The following MTA3 variants were observed in gnomAD, a reference collection of about 807,000 sequenced individuals.
MTA3 encodes metastasis associated 1 family member 3.
In MTA3, 34 loss-of-function variants were observed where a neutral mutation model predicts 83.5. That is an observed-to-expected ratio of 0.41 (90% CI 0.31 to 0.54). The LOEUF is 0.54. MTA3 is among the 20% of genes least tolerant of loss of function. The pLI, the probability that MTA3 is intolerant of heterozygous loss-of-function variation, is 0.33. For missense variants in MTA3, 761 were observed against 726.4 expected (o/e 1.05, Z -0.55); for synonymous variants, 303 against 252.7 (o/e 1.20, Z -1.89).
chr2:42,601,616 A>T (rs370638394), intron 3 of MTA3, among the ~76,000 whole-genome samples: 6 of 152,270 alleles, frequency 3.9e-5, no homozygotes, highest in Admixed American at 2.6e-4. Flanking sequence ...TTGAACTTCC[A>T]GGCTCAAGGG....
intron 16 of MTA3, among the ~76,000 whole-genome samples, chr2:42,749,219 G>A (rs1195858043): frequency 1.3e-5 from 2 of 152,152 alleles, no homozygotes; most frequent in African/African-American, 4.8e-5. Context: ...TCAGTTTCCA[G>A]CTGCATTGGC....
At chr2:42,678,338 T>G (rs1250692356) in intron 8 of MTA3, among the ~76,000 whole-genome samples, 1 of 152,146 alleles carries the variant, frequency 6.6e-6, no homozygotes, top group African/African-American at 2.4e-5. Context: ...TATTTTTATT[T>G]TTATTTATTT....
At chr2:42,730,872 C>T (rs764884713) in intron 16 of MTA3, among the ~76,000 whole-genome samples, 2 of 152,042 alleles carry the variant, frequency 1.3e-5, no homozygotes, top group Non-Finnish European at 2.9e-5. Context: ...TTATTATGGC[C>T]TTGATCTCAT....
rs375901721 is a variant in MTA3 at position 42,641,059 on chromosome 2, A to G, written c.381+823A>G. 1.6e-4 allele frequency among the ~76,000 whole-genome samples: 25 copies of G among 152,118 alleles called. No individual in the cohort carries two copies. The East Asian group carries it at 4.5e-3, about 27-fold the overall frequency. On this transcript the variant is annotated intron_variant, in intron 5 of 16. Coordinates refer to ENST00000405094, the MANE Select transcript of MTA3 (RefSeq NM_001330442.2). ...GTAGCTGGGATCATAGGTGCCTGCC[A>G]CCATACCCGGCTAATTTTTGTGTTT...
chr2:42,585,339 C>T (rs1032231433), intron 3 of MTA3, among the ~76,000 whole-genome samples: 1 of 152,038 alleles, frequency 6.6e-6, no homozygotes, highest in South Asian at 2.1e-4. Context: ...CTGCCCACCT[C>T]GGCCTCCCAA....
intron 2 of MTA3, among the ~76,000 whole-genome samples, chr2:42,577,750 A>G (rs1398120852): frequency 1.1e-4 from 16 of 152,152 alleles, no homozygotes; most frequent in Non-Finnish European, 2.9e-5. Flanking sequence ...AAGTGTTGGG[A>G]TTACAGGTGT....
intron 2 of MTA3, among the ~76,000 whole-genome samples, chr2:42,522,500 G>C (rs1378313017): frequency 6.6e-6 from 1 of 152,140 alleles, no homozygotes; most frequent in Non-Finnish European, 1.5e-5. Context: ...TCTGGCTTAG[G>C]GAAAGGCTGG....
chr2:42,679,770 A>G (rs1691701839), intron 8 of MTA3, among the ~76,000 whole-genome samples: 1 of 152,036 alleles, frequency 6.6e-6, no homozygotes, highest in African/African-American at 2.4e-5. Context: ...CAAAAATACA[A>G]CCAGCACCAT....
intron 11 of MTA3, chr2:42,703,165 G>C (rs1665745087): frequency 2.0e-5 from 3 of 152,228 alleles, no homozygotes; most frequent in Admixed American, 2.0e-4. Context: ...GTCTCACTGT[G>C]TTGCCCAGGC....
chr2:42,505,615 G>T (rs1255734585), intron 2 of MTA3, among the ~76,000 whole-genome samples: 2 of 151,862 alleles, frequency 1.3e-5, no homozygotes, highest in African/African-American at 4.8e-5. Flanking sequence ...CTAGAATGCG[G>T]ATCATTATAC....
At chr2:42,680,414 G>A (rs901731389) in intron 8 of MTA3, 7 of 152,320 alleles carry the variant, frequency 4.6e-5, no homozygotes, top group East Asian at 1.9e-4. Flanking sequence ...CTATTGTTGC[G>A]TAGAAGTGAA....
chr2:42,633,026 A>G (rs1375039424), intron 4 of MTA3, among the ~76,000 whole-genome samples: 1 of 151,204 alleles, frequency 6.6e-6, no homozygotes, highest in African/African-American at 2.4e-5. Flanking sequence ...GCACTTTGGG[A>G]GGCTGAGGTG....
At chr2:42,636,229 T>G (rs1467471812) in intron 4 of MTA3, among the ~76,000 whole-genome samples, 1 of 152,104 alleles carries the variant, frequency 6.6e-6, no homozygotes, top group East Asian at 1.9e-4. Flanking sequence ...AGTCCCCGCT[T>G]CAAGTTGTAT....
intron 6 of MTA3, among the ~76,000 whole-genome samples, chr2:42,653,651 A>G (rs551072095): frequency 6.6e-6 from 1 of 152,220 alleles, no homozygotes; most frequent in East Asian, 1.9e-4. Flanking sequence ...TGTTAGTTTA[A>G]ATGCTTTCAA....
chr2:42,658,673 C>G (rs912737954), intron 7 of MTA3, among the ~76,000 whole-genome samples: 1 of 152,126 alleles, frequency 6.6e-6, no homozygotes, highest in Non-Finnish European at 1.5e-5. Flanking sequence ...CATGTTCTTT[C>G]TTGAACTGTA....
Position 42,719,020 on chromosome 2 carries a change from C to A in MTA3, c.1558C>A (p.Pro520Thr). 1.3e-6 allele frequency: 2 copies of A among 1,550,366 alleles called. No homozygotes were observed. The highest frequency in any genetic ancestry group is 8.7e-7 in the Non-Finnish European group (1 of 1,146,894). The change falls in exon 15 of 17, where the codon CCA becomes ACA. Residue 520 changes from proline to threonine, a missense_variant. Physicochemically the swap from Pro to Thr is conservative, Grantham distance 38. Transcript: ENST00000405094. The part of the protein sequence containing the change: ...ADRHAELSGS[P>T]LKSKSTRKPL... ...CAGACATGCTGAACTATCTGGAAGT[C>A]CACTGAAAAGCAAAAGCACTAGGAA...
chr2:42,633,888 C>CAA (rs749085536), intron 4 of MTA3, among the ~76,000 whole-genome samples: 25 of 101,144 alleles, frequency 2.5e-4, no homozygotes, highest in Admixed American at 1.4e-3. Flanking sequence ...GACTCTGTCT[C>CAA]AAAAAAAAAA....
At chr2:42,503,785 G>C (rs1238588976) in intron 2 of MTA3, among the ~76,000 whole-genome samples, 1 of 152,114 alleles carries the variant, frequency 6.6e-6, no homozygotes, top group Non-Finnish European at 1.5e-5. Flanking sequence ...AGATGCAAGA[G>C]CATCCCTTTG....
In MTA3 at chr2:42,609,456, A is replaced by G; in HGVS notation, c.191-2A>G. On this transcript the variant is annotated splice_acceptor_variant, in intron 3 of 16. Transcript: ENST00000405094. LOFTEE classifies it high-confidence loss of function. ...TAAATTCTTTGAATTTTATTTGTGT[A>G]GAAGAAATTGAGGAAGAATCTGAAA... 5 of 1,613,460 alleles carry G rather than the reference A, an allele frequency of 3.1e-6. No individual in the cohort carries two copies. The highest frequency in any genetic ancestry group is 4.2e-6 in the Non-Finnish European group (5 of 1,179,574).
Sources: allele counts gnomAD v4.1 joint callset (sites outside exome capture counted in the v4.1 genomes callset), GRCh38; gene constraint gnomAD v4.1.1; transcripts MANE v1.5; gene names NCBI Gene and HGNC (gene_info 2026-07-23, HGNC 2026-07-21).